Variants in IGFL2 observed in about 807,000 individuals in gnomAD.
IGFL2 encodes the protein insulin growth factor-like family member 2.
Under a neutral mutation model 13.9 loss-of-function variants are expected in IGFL2, and 7 were observed. The ratio of observed to expected loss-of-function variants is 0.51; its 90% CI spans 0.29 to 0.95. The LOEUF (loss-of-function observed/expected upper bound fraction) is 0.95. IGFL2 is among the 40% of genes least tolerant of loss of function. The pLI is 0.08. For synonymous variants in IGFL2, 55 were observed against 55.8 expected (o/e 0.99, Z 0.07); for missense variants, 138 against 147.8 (o/e 0.93, Z 0.34).
At chr19:46,148,756 A>G (rs1973277220) in intron 1 of IGFL2, 1 of 945,964 alleles carries the variant, frequency 1.1e-6, no homozygotes. Context: ...AGGGAGGATT[A>G]TAGCACTGTG....
the IGFL2 span, chr19:46,200,917 C>T: frequency 4.6e-5 from 7 of 152,162 alleles, no homozygotes; most frequent in African/African-American, 1.7e-4. Flanking sequence ...CACTATAAGG[C>T]AGTTCATAAA....
chr19:46,195,126 C>T, the IGFL2 span: 1 of 151,510 alleles, frequency 6.6e-6, no homozygotes, highest in Non-Finnish European at 1.5e-5. Flanking sequence ...AGTTATCCTC[C>T]CACCTCACCC....
the IGFL2 span, among the ~76,000 whole-genome samples, chr19:46,194,748 G>A: frequency 0.42 from 62,196 of 149,444 alleles, 15,147 homozygotes; most frequent in Non-Finnish European, 0.56. Context: ...CTTGAACCCC[G>A]GGAAGCAGAG....
At chr19:46,085,053 T>C in the IGFL2 span, among the ~76,000 whole-genome samples, 1 of 151,688 alleles carries the variant, frequency 6.6e-6, no homozygotes. Flanking sequence ...ACCATGGGAG[T>C]ACAGCTATTG....
At chr19:46,162,443 T>C (rs1261253379), downstream of IGFL2, among the ~76,000 whole-genome samples, 2 of 152,364 alleles carry the variant, frequency 1.3e-5, no homozygotes, top group East Asian at 1.9e-4. Context: ...TTCATAAATT[T>C]AGCCTGTTTA....
At chr19:46,160,209 C>G (rs1974074286) in intron 1 of IGFL2, 1 of 580,804 alleles carries the variant, frequency 1.7e-6, no homozygotes, top group Non-Finnish European at 3.1e-6. Context: ...CCTGCATTCT[C>G]TTTCCTAGAA....
the IGFL2 span, among the ~76,000 whole-genome samples, chr19:46,118,047 C>T: frequency 2.9e-3 from 444 of 152,214 alleles, 2 homozygotes; most frequent in South Asian, 0.011. Flanking sequence ...CTGTGTTTTG[C>T]CATCCCCACA....
chr19:46,177,694 C>G, the IGFL2 span, among the ~76,000 whole-genome samples: 3 of 152,038 alleles, frequency 2.0e-5, no homozygotes, highest in African/African-American at 7.3e-5. Flanking sequence ...GATTCCACCC[C>G]CACCTGGACA....
the IGFL2 span, among the ~76,000 whole-genome samples, chr19:46,104,385 G>A: frequency 6.6e-6 from 1 of 152,202 alleles, no homozygotes; most frequent in Non-Finnish European, 1.5e-5. Flanking sequence ...ATTGAGGACG[G>A]TAAGGGGTAT....
At chr19:46,093,770 T>G in the IGFL2 span, among the ~76,000 whole-genome samples, 1 of 152,214 alleles carries the variant, frequency 6.6e-6, no homozygotes, top group Non-Finnish European at 1.5e-5. Context: ...CAATTCAAAT[T>G]TGAATTGTTC....
the IGFL2 span, among the ~76,000 whole-genome samples, chr19:46,079,671 G>A: frequency 6.6e-6 from 1 of 152,148 alleles, no homozygotes; most frequent in African/African-American, 2.4e-5. Context: ...CACCACTTCT[G>A]CCAGCTCGAT....
the IGFL2 span, chr19:46,112,198 TTTAAA>T: frequency 6.6e-6 from 1 of 152,166 alleles, no homozygotes; most frequent in South Asian, 2.1e-4. Flanking sequence ...AAACTGAGAG[TTTAAA>T]TTAGGCAATT....
the IGFL2 span, among the ~76,000 whole-genome samples, chr19:46,124,985 A>G: frequency 7.1e-6 from 1 of 141,346 alleles, no homozygotes; most frequent in Non-Finnish European, 1.5e-5. Context: ...AAGAGTTTTC[A>G]AGCTCCGACA....
At chr19:46,194,225 C>T in the IGFL2 span, among the ~76,000 whole-genome samples, 1 of 152,034 alleles carries the variant, frequency 6.6e-6, no homozygotes, top group Non-Finnish European at 1.5e-5. Context: ...ACCAGAATGC[C>T]CAGATGGAGT....
At chr19:46,107,067 G>A in the IGFL2 span, among the ~76,000 whole-genome samples, 3 of 152,120 alleles carry the variant, frequency 2.0e-5, no homozygotes, top group Non-Finnish European at 4.4e-5. Flanking sequence ...AAAAAGGAGT[G>A]GATAAAAGAA....
chr19:46,204,278 GA>G, the IGFL2 span: 4 of 152,174 alleles, frequency 2.6e-5, no homozygotes, highest in African/African-American at 7.3e-5. Flanking sequence ...GGGTGCCTGG[GA>G]TCAGGGCCTG....
chr19:46,089,141 A>G, the IGFL2 span, among the ~76,000 whole-genome samples: 15 of 152,002 alleles, frequency 9.9e-5, 1 homozygote, highest in East Asian at 2.5e-3. Context: ...TTGTGTTTTT[A>G]TCTACTATAG....
At chr19:46,211,190 A>C in the IGFL2 span, among the ~76,000 whole-genome samples, 35 of 152,316 alleles carry the variant, frequency 2.3e-4, no homozygotes, top group Admixed American at 2.2e-3. Context: ...CTCCTATGAC[A>C]TGGAGGCTCT....
chr19:46,176,444 T>A, the IGFL2 span, among the ~76,000 whole-genome samples: 3 of 151,394 alleles, frequency 2.0e-5, no homozygotes, highest in Non-Finnish European at 4.4e-5. Flanking sequence ...AGGAAAACAG[T>A]GAGAGAGAAA....
Sources: gnomAD v4.1 joint callset for allele counts (sites outside exome capture counted in the v4.1 genomes callset) on GRCh38, gnomAD v4.1.1 for gene constraint, MANE v1.5 for transcripts, NCBI Gene and HGNC (gene_info 2026-07-23, HGNC 2026-07-21) for gene names.